AP3B1: variants seen among roughly 807,000 people sequenced by gnomAD.
AP3B1 encodes the protein adaptor related protein complex 3 subunit beta 1.
AP3B1 carries 61 observed loss-of-function variants against 132.5 expected under a neutral mutation model. The observed-to-expected ratio is 0.46, with a 90% CI of 0.37 to 0.57. The LOEUF is 0.57. Ranked by LOEUF, AP3B1 falls within the 20% of genes least tolerant of loss-of-function variation. AP3B1 has a pLI of 0.00. For missense variants in AP3B1, 1,120 were observed against 1,289.4 expected (o/e 0.87, Z 2.01); for synonymous variants, 388 against 438.3 (o/e 0.89, Z 1.43).
At chr5:78,056,780 G>T (rs1343306848) in intron 22 of AP3B1, among the ~76,000 whole-genome samples, 1 of 152,170 alleles carries the variant, frequency 6.6e-6, no homozygotes, top group East Asian at 1.9e-4. Flanking sequence ...TTTTTCAAAG[G>T]CTTTTAGAGG....
At chr5:78,167,830 C>A (rs1195522555) in intron 11 of AP3B1, among the ~76,000 whole-genome samples, 1 of 151,596 alleles carries the variant, frequency 6.6e-6, no homozygotes, top group Non-Finnish European at 1.5e-5. Context: ...GATGCACAGA[C>A]ATAAGAATAA....
At chr5:78,031,659 CT>C (rs11327397) in intron 24 of AP3B1, among the ~76,000 whole-genome samples, 2,131 of 152,286 alleles carry the variant, frequency 0.014, 59 homozygotes, top group African/African-American at 0.049. Context: ...CCTACTCATG[CT>C]GTGCTTGATG....
At chr5:78,223,776 T>G (rs775762836) in intron 6 of AP3B1, among the ~76,000 whole-genome samples, 3 of 152,204 alleles carry the variant, frequency 2.0e-5, no homozygotes, top group Non-Finnish European at 4.4e-5. Flanking sequence ...AGCCTAAAAC[T>G]CATAAAGAAT....
chr5:78,213,890 G>T (rs1174171975), intron 7 of AP3B1, among the ~76,000 whole-genome samples: 1 of 152,104 alleles, frequency 6.6e-6, no homozygotes, highest in African/African-American at 2.4e-5. Context: ...TAAGCCAATG[G>T]ATCTTTCTCA....
chr5:78,148,962 T>C (rs181748415), intron 14 of AP3B1, among the ~76,000 whole-genome samples: 17 of 152,252 alleles, frequency 1.1e-4, no homozygotes, highest in African/African-American at 4.1e-4. Context: ...GCTTGGTGGA[T>C]AGGAATGCTA....
intron 21 of AP3B1, among the ~76,000 whole-genome samples, chr5:78,099,210 C>T (rs143789253): frequency 1.6e-3 from 241 of 152,294 alleles, no homozygotes; most frequent in African/African-American, 5.7e-3. Flanking sequence ...TCCAGAACTA[C>T]GAACAACTAA....
At chr5:78,183,635 C>G (rs886268078) in intron 7 of AP3B1, among the ~76,000 whole-genome samples, 3 of 152,056 alleles carry the variant, frequency 2.0e-5, no homozygotes, top group African/African-American at 7.2e-5. Context: ...TCTGGGAGGC[C>G]GAGGTGGGCA....
intron 11 of AP3B1, among the ~76,000 whole-genome samples, chr5:78,168,888 CTTGACA>C (rs145255280): frequency 0.014 from 2,137 of 152,202 alleles, 57 homozygotes; most frequent in African/African-American, 0.049. Context: ...CTTATATGAC[CTTGACA>C]TTTTCGCTAA....
chr5:78,213,164 C>A (rs1310524457), intron 7 of AP3B1, among the ~76,000 whole-genome samples: 2 of 152,198 alleles, frequency 1.3e-5, no homozygotes, highest in Non-Finnish European at 2.9e-5. Context: ...CAGGCGTGAG[C>A]CACCGCGCCC....
At chr5:78,237,850 T>A (rs1746947127) in intron 3 of AP3B1, among the ~76,000 whole-genome samples, 1 of 152,196 alleles carries the variant, frequency 6.6e-6, no homozygotes, top group African/African-American at 2.4e-5. Context: ...ATCCTTAAAA[T>A]GCTATAATCC....
At position 78,250,855 on chromosome 5, in the gene AP3B1, G is replaced by C. The variant is rs1415695470; in HGVS notation, c.205-9919C>G. 5.9e-5 allele frequency among the ~76,000 whole-genome samples: 9 copies of C among 152,078 alleles called. 1 individual carries two copies. In the South Asian group the frequency reaches 1.9e-3, roughly 32 times the overall value. ...ATTACCAAATTTTAAAATATAATGA[G>C]AGAAGAAAGGATAATGTCAAAAATT... On this transcript the variant is annotated intron_variant, in intron 2 of 26. Coordinates refer to ENST00000255194, the MANE Select transcript of AP3B1 (RefSeq NM_003664.5).
intron 21 of AP3B1, among the ~76,000 whole-genome samples, chr5:78,090,727 T>C (rs1023704778): frequency 6.6e-6 from 1 of 152,254 alleles, no homozygotes; most frequent in Admixed American, 6.5e-5. Flanking sequence ...TACATTACAA[T>C]GTGGTCAAGT....
chr5:78,248,858 A>G (rs962969114), intron 2 of AP3B1, among the ~76,000 whole-genome samples: 6 of 152,194 alleles, frequency 3.9e-5, no homozygotes, highest in Non-Finnish European at 8.8e-5. Flanking sequence ...TACTTGAAAC[A>G]TATTGTTCCA....
intron 26 of AP3B1, among the ~76,000 whole-genome samples, chr5:78,004,580 C>T (rs1746316565): frequency 1.3e-5 from 2 of 152,188 alleles, no homozygotes; most frequent in South Asian, 4.2e-4. Flanking sequence ...ACTAGGTTGT[C>T]CAACAATAAT....
At chr5:78,229,535 C>T (rs911825938) in intron 3 of AP3B1, among the ~76,000 whole-genome samples, 1 of 148,392 alleles carries the variant, frequency 6.7e-6, no homozygotes, top group African/African-American at 2.5e-5. Context: ...GAGTTCAGGA[C>T]CAGCCTGGGC....
At chr5:78,167,820 G>T (rs1042199557) in intron 11 of AP3B1, among the ~76,000 whole-genome samples, 1 of 151,946 alleles carries the variant, frequency 6.6e-6, no homozygotes, top group Non-Finnish European at 1.5e-5. Flanking sequence ...AAGCTATGAG[G>T]ATGCACAGAC....
Position 78,003,064 on chromosome 5 carries a change from G to T in AP3B1, c.3132-9C>A. On this transcript the variant is annotated splice_polypyrimidine_tract_variant and intron_variant, in intron 26 of 26. Transcript: ENST00000255194. ...CAGTTTTAGCTGCAAACCTGGAAGA[G>T]AAAAAAGAGAGACCTTTTATCATAA... 1 of 1,613,436 alleles carries T rather than the reference G, an allele frequency of 6.2e-7. No homozygotes were observed. The highest frequency in any genetic ancestry group is 2.2e-5 in the East Asian group (1 of 44,878).
chr5:78,273,174 G>A (rs907166273), intron 1 of AP3B1, among the ~76,000 whole-genome samples: 2 of 151,838 alleles, frequency 1.3e-5, no homozygotes, highest in East Asian at 1.9e-4. Context: ...GGAGGCCGAG[G>A]CTAGTGGATA....
chr5:78,122,452 G>A lies in AP3B1; in HGVS notation c.1968+5578C>T, dbSNP rs372476084. 3.0e-4 allele frequency among the ~76,000 whole-genome samples: 45 copies of A among 152,222 alleles called. 4 individuals carry two copies. The highest frequency in any genetic ancestry group is 1.2e-3 in the East Asian group (6 of 5,172). On this transcript the variant is annotated intron_variant, in intron 17 of 26. Coordinates refer to ENST00000255194, the MANE Select transcript of AP3B1 (RefSeq NM_003664.5). ...TGATTGTTTATCTAGAAAACCCATC[G>A]TCTCAGCCCAAAATCTCCTTAAGCT...
Sources: gnomAD v4.1 joint callset for allele counts (sites outside exome capture counted in the v4.1 genomes callset) on GRCh38, gnomAD v4.1.1 for gene constraint, MANE v1.5 for transcripts, NCBI Gene and HGNC (gene_info 2026-07-23, HGNC 2026-07-21) for gene names.